Variants in ZYG11B observed in about 807,000 individuals in gnomAD.
ZYG11B encodes the protein protein zyg-11 homolog B.
ZYG11B carries 36 observed loss-of-function variants against 82.4 expected under a neutral mutation model. That is an observed-to-expected ratio of 0.44 (90% confidence interval 0.33 to 0.58). ZYG11B has a LOEUF of 0.58. ZYG11B is among the 20% of genes least tolerant of loss of function. ZYG11B has a pLI of 0.02. For synonymous variants in ZYG11B, 303 were observed against 312.8 expected (o/e 0.97, Z 0.33); for missense variants, 552 against 895.6 (o/e 0.62, Z 4.90).
At chr1:52,797,269 A>T (rs1472026217) in intron 8 of ZYG11B, among the ~76,000 whole-genome samples, 2 of 85,010 alleles carry the variant, frequency 2.4e-5, no homozygotes, top group African/African-American at 1.1e-4. Flanking sequence ...TTTATATTAT[A>T]TATAAAATAT....
intron 8 of ZYG11B, among the ~76,000 whole-genome samples, chr1:52,799,719 G>A (rs1032457965): frequency 3.3e-5 from 5 of 151,114 alleles, no homozygotes; most frequent in African/African-American, 4.9e-5. Context: ...CGCTTGAATC[G>A]GGAAGGTGGA....
At position 52,824,654 on chromosome 1, in the gene ZYG11B, A is replaced by G. The variant is rs1367236771; in HGVS notation, c.*3025A>G. 6.6e-6 allele frequency: 1 copy of G among 151,706 alleles called. No individual in the cohort carries two copies. Among genetic ancestry groups the G allele is most frequent in the Non-Finnish European group, 1.5e-5 (1 of 67,988 alleles). The allele number at this position is 151,706 out of a possible 1,614,324, so 9.4% of individuals were successfully genotyped here. A position where few individuals can be genotyped will look rare whatever the true frequency, so the allele number is the denominator to read the frequency against. On this transcript the variant is annotated 3_prime_UTR_variant, in exon 14 of 14. Coordinates refer to ENST00000294353, the MANE Select transcript of ZYG11B (RefSeq NM_024646.3). ...ACTCCGTCTCAAAAAAAAAAAAAGC[A>G]TAATAATTTATTACATCCCAAATAT... is the stretch of plus-strand genomic sequence containing the variant.
At chr1:52,786,816 C>A (rs370602494) in intron 5 of ZYG11B, among the ~76,000 whole-genome samples, 1 of 152,046 alleles carries the variant, frequency 6.6e-6, no homozygotes, top group Non-Finnish European at 1.5e-5. Flanking sequence ...TCGAGCCGGG[C>A]GTTGTGGCTC....
Position 52,771,920 on chromosome 1 carries a change from A to T in ZYG11B, c.951+146A>T, listed in dbSNP as rs1644755163. 1 of 1,004,272 alleles carries T rather than the reference A, an allele frequency of 1.0e-6. No homozygotes were observed. Among genetic ancestry groups the T allele is most frequent in the Non-Finnish European group, 1.4e-6 (1 of 694,244 alleles). The allele number at this position is 1,004,272 out of a possible 1,614,324, so 62.2% of individuals were successfully genotyped here. A position where few individuals can be genotyped will look rare whatever the true frequency, so the allele number is the denominator to read the frequency against. Reference sequence around the variant, plus strand: ...TTGAAAGGCTTAGAGTCCTAATTAAAATCTCAGCTTCATGACCCAGAACAA... The same window carrying T: ...TTGAAAGGCTTAGAGTCCTAATTAATATCTCAGCTTCATGACCCAGAACAA... On this transcript the variant is annotated intron_variant, in intron 3 of 13. Transcript: ENST00000294353. This position sits in a 1 kb window ranked among gnomAD's most constrained non-coding sequence, Gnocchi z 5.4.
intron 1 of ZYG11B, among the ~76,000 whole-genome samples, chr1:52,747,561 C>T (rs544821720): frequency 6.6e-6 from 1 of 152,054 alleles, no homozygotes; most frequent in Non-Finnish European, 1.5e-5. Flanking sequence ...TTACCACTCT[C>T]TTAATTTGAA....
At chr1:52,772,877 CTG>C (rs1644767549) in intron 3 of ZYG11B, among the ~76,000 whole-genome samples, 1 of 151,972 alleles carries the variant, frequency 6.6e-6, no homozygotes, top group Non-Finnish European at 1.5e-5. Context: ...CAGAGTTTCA[CTG>C]TGTTAGCCAG....
At position 52,792,690 on chromosome 1, in the gene ZYG11B, T is replaced by C. The variant is rs778116824; in HGVS notation, c.1334+2623T>C. On this transcript the variant is annotated intron_variant, in intron 6 of 13. Coordinates refer to ENST00000294353, the MANE Select transcript of ZYG11B (RefSeq NM_024646.3). ...ATTGTTTTATGTTGTTGAAACTGCA[T>C]GAATAAAGGCACAGAGAAAGTCAAT... Among the ~76,000 whole-genome samples the C allele has an allele frequency of 2.0e-4, 31 of 152,216 alleles. 1 individual carries two copies. The highest frequency in any genetic ancestry group is 3.5e-4 in the Non-Finnish European group (24 of 68,036).
intron 3 of ZYG11B, among the ~76,000 whole-genome samples, chr1:52,774,028 C>T (rs142163814): frequency 5.6e-4 from 85 of 152,048 alleles, no homozygotes; most frequent in Non-Finnish European, 1.0e-3. Flanking sequence ...CAGAATAATA[C>T]GTGCAAAGAC....
intron 1 of ZYG11B, among the ~76,000 whole-genome samples, chr1:52,753,911 A>G (rs569077272): frequency 1.3e-5 from 2 of 151,940 alleles, no homozygotes; most frequent in Admixed American, 6.6e-5. Context: ...TTGTATTTTT[A>G]CTAGAGACAG....
At chr1:52,754,959 C>T (rs1165513139) in intron 1 of ZYG11B, among the ~76,000 whole-genome samples, 7 of 126,666 alleles carry the variant, frequency 5.5e-5, no homozygotes, top group South Asian at 2.5e-4. Flanking sequence ...AAAGCCTATT[C>T]TTTTTTTTTT....
chr1:52,812,381 GTTATT>G (rs1334684335), intron 10 of ZYG11B, among the ~76,000 whole-genome samples: 1 of 151,944 alleles, frequency 6.6e-6, no homozygotes, highest in African/African-American at 2.4e-5. Flanking sequence ...TTGTTTATGT[GTTATT>G]TTATTTTATT....
At chr1:52,811,051 A>G (rs72668688) in intron 10 of ZYG11B, among the ~76,000 whole-genome samples, 3,450 of 142,874 alleles carry the variant, frequency 0.024, 179 homozygotes, top group African/African-American at 0.073. Flanking sequence ...AAAAAAAAAA[A>G]AGAGAAATTT....
intron 2 of ZYG11B, among the ~76,000 whole-genome samples, chr1:52,769,207 C>T (rs1343506110): frequency 6.6e-6 from 1 of 151,982 alleles, no homozygotes; most frequent in Admixed American, 6.6e-5. Flanking sequence ...GCTGAATGGA[C>T]CCCATCATGA....
At chr1:52,816,481 A>G (rs1396284886) in intron 12 of ZYG11B, 51 bp from the exon 13 acceptor site, 2 of 1,316,020 alleles carry the variant, frequency 1.5e-6, no homozygotes, top group African/African-American at 1.5e-5. Flanking sequence ...GCTTTAGGAA[A>G]TTACGCTAAA....
chr1:52,815,199 A>C (rs1173130018), intron 12 of ZYG11B, among the ~76,000 whole-genome samples: 3 of 151,752 alleles, frequency 2.0e-5, no homozygotes, highest in Non-Finnish European at 2.9e-5. Context: ...AGTTTGTAAT[A>C]ATTTATTAAA....
In ZYG11B at chr1:52,770,231, A is replaced by G. The variant is rs995369761; in HGVS notation, c.197-789A>G. On this transcript the variant is annotated intron_variant, in intron 2 of 13. Transcript: ENST00000294353. ...CTCAGCCTCCCTAGTAGCTAGGACT[A>G]TAGGCATGACCACTGTGCCCAACTC... 3.3e-5 allele frequency among the ~76,000 whole-genome samples: 5 copies of G among 151,808 alleles called. No individual in the cohort carries two copies. The Admixed American group carries it at 3.3e-4, about 10-fold the overall frequency.
chr1:52,803,279 CATAT>C (rs1553262863), intron 10 of ZYG11B, among the ~76,000 whole-genome samples: 2 of 68,118 alleles, frequency 2.9e-5, no homozygotes, highest in Non-Finnish European at 5.7e-5. Flanking sequence ...CACACACACA[CATAT>C]ATATATATAT....
At chr1:52,744,577 T>C (rs962765230) in intron 1 of ZYG11B, among the ~76,000 whole-genome samples, 1 of 152,232 alleles carries the variant, frequency 6.6e-6, no homozygotes, top group Non-Finnish European at 1.5e-5. Context: ...GTACGCTAGC[T>C]CACGCCTGTA....
chr1:52,815,804 A>G (rs891714159), intron 12 of ZYG11B, among the ~76,000 whole-genome samples: 10 of 148,908 alleles, frequency 6.7e-5, no homozygotes, highest in East Asian at 2.0e-4. Flanking sequence ...GCGTGGTGGC[A>G]GGCGCCTGTA....
Sources: allele counts gnomAD v4.1 joint callset (sites outside exome capture counted in the v4.1 genomes callset), GRCh38; gene constraint gnomAD v4.1.1; non-coding constraint Gnocchi (gnomAD v3.1); transcripts MANE v1.5; gene names NCBI Gene and HGNC (gene_info 2026-07-23, HGNC 2026-07-21).